THSD4: variants seen among roughly 807,000 people sequenced by gnomAD.
THSD4 encodes the protein thrombospondin type 1 domain containing 4.
Under a neutral mutation model 119.0 loss-of-function variants are expected in THSD4, and 69 were observed. The ratio of observed to expected loss-of-function variants is 0.58; its 90% confidence interval spans 0.48 to 0.71. THSD4 has a LOEUF of 0.71. Ranked by LOEUF, THSD4 falls within the 30% of genes least tolerant of loss-of-function variation. The pLI is 0.00. For synonymous variants in THSD4, 524 were observed against 540.4 expected (o/e 0.97, Z 0.42); for missense variants, 1,393 against 1,391.1 (o/e 1.00, Z -0.02).
intron 6 of THSD4, among the ~76,000 whole-genome samples, chr15:71,377,914 A>ACAC (rs57687864): frequency 1.4e-5 from 2 of 146,142 alleles, no homozygotes; most frequent in African/African-American, 2.5e-5. Context: ...ACACACACAC[A>ACAC]ATTTCCTTCA....
At position 71,512,716 on chromosome 15, in the gene THSD4, C is replaced by T. The variant is rs190720389; in HGVS notation, c.1152+100893C>T. On this transcript the variant is annotated intron_variant, in intron 7 of 17. Coordinates refer to ENST00000261862, the MANE Select transcript of THSD4 (RefSeq NM_024817.3). ...TATTTTTCCACCAGTATTATAAAAA[C>T]AATACTAGAATTCTTTTCCTTTTTT... 1.2e-4 allele frequency among the ~76,000 whole-genome samples: 18 copies of T among 152,156 alleles called. 1 individual carries two copies. Among genetic ancestry groups the T allele is most frequent in the Admixed American group, 1.1e-3 (17 of 15,280 alleles).
At chr15:71,304,960 C>A (rs143547370) in intron 6 of THSD4, among the ~76,000 whole-genome samples, 1 of 152,264 alleles carries the variant, frequency 6.6e-6, no homozygotes, top group African/African-American at 2.4e-5. Context: ...TTTGTTCTTG[C>A]CCAGGCAATA....
At chr15:71,776,386 TTAAC>T in intron 17 of THSD4, among the ~76,000 whole-genome samples, 1 of 152,268 alleles carries the variant, frequency 6.6e-6, no homozygotes, top group Non-Finnish European at 1.5e-5. Flanking sequence ...TTTTTTAAAG[TTAAC>T]TAAATCAGAA....
intron 6 of THSD4, among the ~76,000 whole-genome samples, chr15:71,406,205 A>G (rs187451577): frequency 3.9e-5 from 6 of 152,218 alleles, no homozygotes; most frequent in South Asian, 2.1e-4. Flanking sequence ...ATTTCATTCA[A>G]TTGTGGTCAG....
chr15:71,299,931 T>A (rs1365688712), intron 6 of THSD4, among the ~76,000 whole-genome samples: 1 of 143,820 alleles, frequency 7.0e-6, no homozygotes, highest in Non-Finnish European at 1.5e-5. Flanking sequence ...CAGAACAGCC[T>A]GGGCATCATA....
chr15:71,610,944 T>C (rs2050212667), intron 7 of THSD4, among the ~76,000 whole-genome samples: 1 of 152,138 alleles, frequency 6.6e-6, no homozygotes, highest in Non-Finnish European at 1.5e-5. Context: ...TGTGTGTAGA[T>C]GTGTGCATAT....
In THSD4 at chr15:71,159,174, T is replaced by C. The variant is rs377723773; in HGVS notation, c.99+4242T>C. 4.6e-5 allele frequency among the ~76,000 whole-genome samples: 7 copies of C among 152,186 alleles called. No homozygotes were observed. In the East Asian group the frequency reaches 1.2e-3, roughly 25 times the overall value. ...CTCTCTATTCTGTTCCATTGGCCTA[T>C]ATGTCTGCTTTATGCCAGTACCATG... On this transcript the variant is annotated intron_variant, in intron 3 of 17. Transcript: ENST00000261862.
chr15:71,748,471 G>T lies in THSD4; in HGVS notation c.2292G>T (p.Val764=). The part of the protein sequence containing the change: ...VGQRTRDVKC[V]SNIGDVVDDE... ...AGAGGACCCGTGATGTGAAGTGTGT[G>T]AGCAACATTGGGGATGTGGTTGACG... The change falls in exon 14 of 18, where the codon GTG becomes GTT. Residue 764 remains valine (V), a synonymous_variant. Transcript: ENST00000261862. The T allele has an allele frequency of 6.2e-7, 1 of 1,614,214 alleles. No individual in the cohort carries two copies. The highest frequency in any genetic ancestry group is 8.5e-7 in the Non-Finnish European group (1 of 1,180,042).
At chr15:71,558,390 T>C (rs985229180) in intron 7 of THSD4, among the ~76,000 whole-genome samples, 2 of 152,260 alleles carry the variant, frequency 1.3e-5, no homozygotes, top group African/African-American at 4.8e-5. Context: ...TCTGTTCTAA[T>C]GTATTAAAGA....
intron 5 of THSD4, among the ~76,000 whole-genome samples, chr15:71,250,354 T>C (rs969222742): frequency 1.3e-5 from 2 of 152,172 alleles, no homozygotes; most frequent in Non-Finnish European, 2.9e-5. Flanking sequence ...TTGTTTTTGC[T>C]TGAGTCAGGG....
At chr15:71,547,224 C>A in intron 7 of THSD4, 2 of 1,384,250 alleles carry the variant, frequency 1.4e-6, no homozygotes, top group South Asian at 3.5e-5. Context: ...GATCAGCTTA[C>A]CAGTTTTCTT....
chr15:71,640,793 G>A (rs1367642542), intron 7 of THSD4, among the ~76,000 whole-genome samples: 2 of 152,048 alleles, frequency 1.3e-5, no homozygotes, highest in African/African-American at 2.4e-5. Context: ...CTACCATGTG[G>A]TTCATCTCTT....
At chr15:71,680,222 C>T (rs559258741) in intron 8 of THSD4, among the ~76,000 whole-genome samples, 1 of 152,266 alleles carries the variant, frequency 6.6e-6, no homozygotes, top group Admixed American at 6.5e-5. Flanking sequence ...GAAACCTAGT[C>T]CAGCCTTTCC....
intron 8 of THSD4, among the ~76,000 whole-genome samples, chr15:71,726,876 G>T (rs1038939021): frequency 6.6e-6 from 1 of 151,838 alleles, no homozygotes; most frequent in Non-Finnish European, 1.5e-5. Flanking sequence ...GGCAGAGGTT[G>T]CAGTGAGACG....
intron 7 of THSD4, among the ~76,000 whole-genome samples, chr15:71,477,430 AC>A (rs745821384): frequency 2.6e-5 from 4 of 152,244 alleles, no homozygotes; most frequent in Admixed American, 1.3e-4. Context: ...CATTTTCCCC[AC>A]CCTGAAGACA....
intron 8 of THSD4, among the ~76,000 whole-genome samples, chr15:71,698,612 A>T: frequency 6.6e-6 from 1 of 150,408 alleles, no homozygotes; most frequent in Non-Finnish European, 1.5e-5. Flanking sequence ...CGAATGGATG[A>T]AGAACTTGTG....
chr15:71,497,630 G>T (rs1328320304), intron 7 of THSD4, among the ~76,000 whole-genome samples: 1 of 152,020 alleles, frequency 6.6e-6, no homozygotes, highest in Non-Finnish European at 1.5e-5. Flanking sequence ...TGTTCAAGGA[G>T]TCCTGTCTAC....
At chr15:71,585,147 A>G (rs536512556) in intron 7 of THSD4, among the ~76,000 whole-genome samples, 1 of 152,228 alleles carries the variant, frequency 6.6e-6, no homozygotes, top group African/African-American at 2.4e-5. Context: ...GGTTATTCTG[A>G]TTTTTGACTA....
chr15:71,411,871 A>G, intron 7 of THSD4, 48 bp downstream of exon 7: 1 of 1,606,488 alleles, frequency 6.2e-7, no homozygotes, highest in African/African-American at 1.3e-5. Context: ...TTGATCTGTG[A>G]CTGCTGACTC....
Sources: gnomAD v4.1 joint callset for allele counts (sites outside exome capture counted in the v4.1 genomes callset) on GRCh38, gnomAD v4.1.1 for gene constraint, MANE v1.5 for transcripts, NCBI Gene and HGNC (gene_info 2026-07-23, HGNC 2026-07-21) for gene names.